The following TAFA2 variants were observed in gnomAD, a reference collection of about 807,000 sequenced individuals.
The protein encoded by TAFA2 is TAFA chemokine like family member 2.
In TAFA2, 7 loss-of-function variants were observed where a neutral mutation model predicts 18.8. The ratio of observed to expected loss-of-function variants is 0.37; its 90% CI spans 0.21 to 0.70. The LOEUF (loss-of-function observed/expected upper bound fraction) is 0.70. Among genes scored for constraint, TAFA2 ranks in the 30% least tolerant of loss-of-function variants. The pLI, the probability that TAFA2 is intolerant of heterozygous loss-of-function variation, is 0.53. For synonymous variants in TAFA2, 60 were observed against 54.2 expected (o/e 1.11, Z -0.47); for missense variants, 122 against 158.1 (o/e 0.77, Z 1.23).
intron 2 of TAFA2, among the ~76,000 whole-genome samples, chr12:61,818,288 A>AT (rs1171028468): frequency 1.3e-5 from 2 of 151,810 alleles, no homozygotes; most frequent in East Asian, 1.9e-4. Context: ...TTCAGTGCTT[A>AT]TTTTTTTTAA....
intron 3 of TAFA2, among the ~76,000 whole-genome samples, chr12:61,754,541 T>A (rs2120760476): frequency 6.6e-6 from 1 of 151,940 alleles, no homozygotes; most frequent in African/African-American, 2.4e-5. Context: ...ATCATCCATT[T>A]TCATCTTTCC....
intron 1 of TAFA2, among the ~76,000 whole-genome samples, chr12:61,977,989 T>C (rs546034094): frequency 6.6e-6 from 1 of 152,174 alleles, no homozygotes; most frequent in African/African-American, 2.4e-5. Flanking sequence ...AGAATTCCTT[T>C]TATAAAAATA....
intron 4 of TAFA2, among the ~76,000 whole-genome samples, chr12:61,730,961 G>C (rs1351050398): frequency 6.6e-6 from 1 of 151,944 alleles, no homozygotes; most frequent in Non-Finnish European, 1.5e-5. Context: ...CAGGAAATTA[G>C]CACTCAGTTG....
At chr12:62,052,488 C>T (rs1352692483) in intron 1 of TAFA2, among the ~76,000 whole-genome samples, 2 of 152,148 alleles carry the variant, frequency 1.3e-5, no homozygotes, top group Non-Finnish European at 2.9e-5. Context: ...CACTGCATTG[C>T]ACTCAGCCAA....
In TAFA2 at chr12:62,191,836, T is replaced by A. The variant is rs2062626898; in HGVS notation, c.-579A>T. 1 of 152,616 alleles carries A rather than the reference T, an allele frequency of 6.6e-6. No individual in the cohort carries two copies. The highest frequency in any genetic ancestry group is 1.5e-5 in the Non-Finnish European group (1 of 68,390). The allele number at this position is 152,616 out of a possible 1,614,324, so 9.5% of individuals were successfully genotyped here. On this transcript the variant is annotated 5_prime_UTR_variant, in exon 1 of 5. Transcript: ENST00000416284. ...CTCTCCCTCTCACACACACACACAC[T>A]CACACATCCTCCGTTCCCTCTCTCC... is the stretch of plus-strand genomic sequence containing the variant.
At chr12:62,109,950 C>T (rs1869645045) in intron 1 of TAFA2, among the ~76,000 whole-genome samples, 1 of 152,182 alleles carries the variant, frequency 6.6e-6, no homozygotes, top group African/African-American at 2.4e-5. Context: ...TTCCTCTCTT[C>T]CTATTTGAAT....
intron 1 of TAFA2, among the ~76,000 whole-genome samples, chr12:61,930,325 CTAAGT>C (rs1877504354): frequency 6.6e-6 from 1 of 152,076 alleles, no homozygotes; most frequent in Non-Finnish European, 1.5e-5. Flanking sequence ...AAGAGCTAAA[CTAAGT>C]TGAGATAAAA....
chr12:61,923,937 C>A (rs1478059662), intron 1 of TAFA2, among the ~76,000 whole-genome samples: 1 of 150,856 alleles, frequency 6.6e-6, no homozygotes, highest in Non-Finnish European at 1.5e-5. Flanking sequence ...CTTCATGAAA[C>A]ATACACAAGT....
intron 1 of TAFA2, among the ~76,000 whole-genome samples, chr12:62,245,270 C>T (rs754187786): frequency 2.6e-5 from 4 of 152,166 alleles, no homozygotes; most frequent in Admixed American, 6.5e-5. Context: ...AATGGAACCT[C>T]TGTTATATTT....
chr12:61,986,550 C>T (rs1879825574), intron 1 of TAFA2, among the ~76,000 whole-genome samples: 2 of 151,746 alleles, frequency 1.3e-5, no homozygotes, highest in African/African-American at 4.8e-5. Context: ...CCACTCATCT[C>T]GGCCTCCCAA....
chr12:61,870,309 C>T (rs1874543927), intron 1 of TAFA2, among the ~76,000 whole-genome samples: 1 of 152,166 alleles, frequency 6.6e-6, no homozygotes, highest in Non-Finnish European at 1.5e-5. Context: ...TTCTCACTGG[C>T]CACAGCATCC....
chr12:62,011,835 G>A (rs1450373264), intron 1 of TAFA2, among the ~76,000 whole-genome samples: 2 of 151,696 alleles, frequency 1.3e-5, no homozygotes, highest in Non-Finnish European at 2.9e-5. Flanking sequence ...TAAATCCCCT[G>A]CAACTGCACT....
intron 1 of TAFA2, among the ~76,000 whole-genome samples, chr12:61,909,564 G>A (rs893393690): frequency 1.2e-4 from 19 of 152,182 alleles, no homozygotes; most frequent in East Asian, 9.6e-4. Flanking sequence ...AGACTGAGTC[G>A]TGAGATGTGC....
intron 1 of TAFA2, among the ~76,000 whole-genome samples, chr12:61,952,605 TCTA>T (rs1878509134): frequency 6.6e-6 from 1 of 152,098 alleles, no homozygotes; most frequent in Non-Finnish European, 1.5e-5. Context: ...GTACTTGCAC[TCTA>T]CTATTAACAG....
At chr12:62,180,985 C>T (rs1462909740) in intron 1 of TAFA2, among the ~76,000 whole-genome samples, 2 of 152,146 alleles carry the variant, frequency 1.3e-5, no homozygotes, top group Non-Finnish European at 2.9e-5. Context: ...ATTTATACAA[C>T]AGTAGAATCA....
At chr12:62,135,869 A>G (rs1344449729) in intron 1 of TAFA2, 1 of 152,136 alleles carries the variant, frequency 6.6e-6, no homozygotes, top group East Asian at 1.9e-4. Context: ...TGAACTGATA[A>G]ACAACATAAA....
chr12:62,015,660 T>C (rs752522373), intron 1 of TAFA2, among the ~76,000 whole-genome samples: 7 of 152,174 alleles, frequency 4.6e-5, no homozygotes, highest in Non-Finnish European at 1.0e-4. Context: ...GGTTACTATA[T>C]AGAGAAGCAA....
At chr12:61,810,855 GAA>G (rs35606484) in intron 2 of TAFA2, among the ~76,000 whole-genome samples, 16,909 of 151,062 alleles carry the variant, frequency 0.11, 1,263 homozygotes, top group East Asian at 0.19. Context: ...ATGTGTGGAA[GAA>G]AAAAGAGTTC....
chr12:62,082,406 T>C (rs1055571292), intron 1 of TAFA2, among the ~76,000 whole-genome samples: 5 of 152,204 alleles, frequency 3.3e-5, no homozygotes, highest in South Asian at 4.1e-4. Flanking sequence ...CTTTCATCTT[T>C]AGTAGTAAGC....
Sources: gnomAD v4.1 joint callset for allele counts (sites outside exome capture counted in the v4.1 genomes callset) on GRCh38, gnomAD v4.1.1 for gene constraint, MANE v1.5 for transcripts, NCBI Gene and HGNC (gene_info 2026-07-23, HGNC 2026-07-21) for gene names.